The following EPHA5 variants were observed in gnomAD, a reference collection of about 807,000 sequenced individuals.
The protein encoded by EPHA5 is ephrin type-A receptor 5.
EPHA5 carries 60 observed loss-of-function variants against 105.0 expected under a neutral mutation model. That is an observed-to-expected ratio of 0.57 (90% confidence interval 0.46 to 0.71). The LOEUF (loss-of-function observed/expected upper bound fraction) is 0.71, where lower values mean the gene tolerates loss of function less well. Among genes scored for constraint, EPHA5 ranks in the 30% least tolerant of loss-of-function variants. The pLI is 0.00. For missense variants in EPHA5, 1,218 were observed against 1,274.7 expected (o/e 0.96, Z 0.68); for synonymous variants, 513 against 449.1 (o/e 1.14, Z -1.80).
chr4:65,348,817 T>C (rs188390624), intron 13 of EPHA5, among the ~76,000 whole-genome samples: 2 of 83,340 alleles, frequency 2.4e-5, no homozygotes, highest in African/African-American at 8.9e-5. Context: ...ATATATATAT[T>C]TTTTTTTTTT....
chr4:65,657,409 T>C (rs1317404509), intron 1 of EPHA5, among the ~76,000 whole-genome samples: 2 of 152,166 alleles, frequency 1.3e-5, no homozygotes, highest in Non-Finnish European at 2.9e-5. Flanking sequence ...GGGAAAGCTG[T>C]AGTTGATTAA....
intron 2 of EPHA5, among the ~76,000 whole-genome samples, chr4:65,635,393 G>C (rs926303033): frequency 1.3e-5 from 2 of 152,068 alleles, no homozygotes; most frequent in African/African-American, 4.8e-5. Context: ...AATTTAAAAT[G>C]ATGTTTATAT....
chr4:65,523,625 T>A (rs1734966639), intron 3 of EPHA5, among the ~76,000 whole-genome samples: 1 of 151,990 alleles, frequency 6.6e-6, no homozygotes, highest in South Asian at 2.1e-4. Flanking sequence ...GGTATTTTCC[T>A]TTATAGAATC....
intron 5 of EPHA5, among the ~76,000 whole-genome samples, chr4:65,461,649 T>C (rs1353302959): frequency 6.6e-6 from 1 of 152,058 alleles, no homozygotes; most frequent in African/African-American, 2.4e-5. Flanking sequence ...ATCTAGCTTA[T>C]AAAGCTGTAA....
chr4:65,545,203 A>G (rs1406154898), intron 3 of EPHA5, among the ~76,000 whole-genome samples: 1 of 151,876 alleles, frequency 6.6e-6, no homozygotes, highest in Non-Finnish European at 1.5e-5. Context: ...ATCAGCATCT[A>G]TGATTCTTTA....
intron 3 of EPHA5, among the ~76,000 whole-genome samples, chr4:65,505,754 G>GTAAT (rs1240720542): frequency 6.6e-6 from 1 of 152,018 alleles, no homozygotes; most frequent in Non-Finnish European, 1.5e-5. Context: ...ACTAGCATTT[G>GTAAT]TAATTATTTT....
chr4:65,347,987 A>C, intron 14 of EPHA5, 67 bp downstream of exon 14: 1 of 1,406,220 alleles, frequency 7.1e-7, no homozygotes, highest in Non-Finnish European at 9.5e-7. Flanking sequence ...AATGAAAAAC[A>C]TTGTGTCTTG....
At chr4:65,369,684 C>G (rs1718266716) in intron 8 of EPHA5, among the ~76,000 whole-genome samples, 1 of 151,970 alleles carries the variant, frequency 6.6e-6, no homozygotes, top group Non-Finnish European at 1.5e-5. Context: ...ATACAGTTAT[C>G]TGGCTGGGCG....
chr4:65,531,572 A>G (rs1057064043), intron 3 of EPHA5, among the ~76,000 whole-genome samples: 10 of 151,058 alleles, frequency 6.6e-5, no homozygotes, highest in African/African-American at 2.4e-4. Context: ...ATATACTGAG[A>G]TGTCTTTGCA....
intron 3 of EPHA5, among the ~76,000 whole-genome samples, chr4:65,539,429 C>T (rs1266157177): frequency 1.3e-5 from 2 of 151,526 alleles, no homozygotes; most frequent in East Asian, 1.9e-4. Flanking sequence ...CTAGGTGTGA[C>T]AAAATGATCC....
intron 11 of EPHA5, among the ~76,000 whole-genome samples, chr4:65,355,737 T>C (rs975593710): frequency 6.6e-6 from 1 of 151,538 alleles, no homozygotes; most frequent in African/African-American, 2.4e-5. Flanking sequence ...TTCAGGAATT[T>C]GAAAGAACTC....
chr4:65,351,376 T>C lies in EPHA5; in HGVS notation c.2445+13A>G. On this transcript the variant is annotated intron_variant, in intron 13 of 16. Coordinates refer to ENST00000613740, the MANE Select transcript of EPHA5 (RefSeq NM_001281766.3). ...TGGTCTAGTGTTTAGAAATGCACTC[T>C]GTTAGATCTTACCCTTGTGGTGTAG... 6.2e-7 allele frequency: 1 copy of C among 1,612,716 alleles called. No individual in the cohort carries two copies. The highest frequency in any genetic ancestry group is 8.5e-7 in the Non-Finnish European group (1 of 1,178,974).
At chr4:65,367,994 T>TA (rs1718087633) in intron 8 of EPHA5, among the ~76,000 whole-genome samples, 1 of 152,072 alleles carries the variant, frequency 6.6e-6, no homozygotes, top group Non-Finnish European at 1.5e-5. Context: ...TCTCTTCGTT[T>TA]TCTCAATAAT....
intron 2 of EPHA5, 61 bp from the exon 3 acceptor site, chr4:65,602,365 A>G (rs1743823095): frequency 4.5e-6 from 6 of 1,339,176 alleles, no homozygotes; most frequent in African/African-American, 1.5e-5. Context: ...ACAAGGAACT[A>G]TAGCAAAAAT....
chr4:65,384,575 C>T (rs1028612064), intron 8 of EPHA5, among the ~76,000 whole-genome samples: 4 of 151,820 alleles, frequency 2.6e-5, no homozygotes, highest in African/African-American at 4.8e-5. Flanking sequence ...CTGAAGCCTT[C>T]TCTTTGTCCC....
chr4:65,580,607 C>CAAATA lies in EPHA5; in HGVS notation c.910+21029_910+21033dup, dbSNP rs886951348. ...AAGGTAAATAATGTGAAACACATATCAAATAAAATAAAATAAAATAAAAGC... is the reference window on the plus strand; with the variant it reads ...AAGGTAAATAATGTGAAACACATATCAAATAAAATAAAATAAAATAAAATAAAAGC... On this transcript the variant is annotated intron_variant, in intron 3 of 16. Transcript: ENST00000613740. Among the ~76,000 whole-genome samples, 16 of 151,508 alleles carry CAAATA rather than the reference C, an allele frequency of 1.1e-4. No homozygotes were observed. In the South Asian group the frequency reaches 1.2e-3, roughly 12 times the overall value.
intron 2 of EPHA5, among the ~76,000 whole-genome samples, chr4:65,610,572 G>C (rs542462228): frequency 8.2e-4 from 124 of 151,560 alleles, no homozygotes; most frequent in African/African-American, 2.9e-3. Flanking sequence ...CAAATAAAAT[G>C]GGATATTTTT....
chr4:65,573,843 G>T (rs1740504568), intron 3 of EPHA5: 1 of 1,613,262 alleles, frequency 6.2e-7, no homozygotes, highest in Admixed American at 1.7e-5. Flanking sequence ...GTTGAGCCAC[G>T]GCAAAAAAAA....
chr4:65,414,463 T>C lies in EPHA5; in HGVS notation c.1528-20A>G, dbSNP rs372484407. 1.2e-6 allele frequency: 2 copies of C among 1,610,930 alleles called. No individual in the cohort carries two copies. Among genetic ancestry groups the C allele is most frequent in the South Asian group, 1.1e-5 (1 of 90,756 alleles). On this transcript the variant is annotated intron_variant, in intron 6 of 16. Coordinates refer to ENST00000613740, the MANE Select transcript of EPHA5 (RefSeq NM_001281766.3). ...TTGGTCCTTGGGATGCGCATGCATATACAATAAAAAAGACAGCATATAAAT... is the reference window on the plus strand; with the variant it reads ...TTGGTCCTTGGGATGCGCATGCATACACAATAAAAAAGACAGCATATAAAT...
Sources: allele counts gnomAD v4.1 joint callset (sites outside exome capture counted in the v4.1 genomes callset), GRCh38; gene constraint gnomAD v4.1.1; transcripts MANE v1.5; gene names NCBI Gene and HGNC (gene_info 2026-07-23, HGNC 2026-07-21).